Variants in SLC4A7 observed in about 807,000 individuals in gnomAD.
SLC4A7 encodes the protein solute carrier family 4 member 7.
In SLC4A7, 51 loss-of-function variants were observed where a neutral mutation model predicts 137.6. The observed-to-expected ratio is 0.37, with a 90% CI of 0.30 to 0.47. The LOEUF (loss-of-function observed/expected upper bound fraction) is 0.47. Among genes scored for constraint, SLC4A7 ranks in the 20% least tolerant of loss-of-function variants. The pLI, the probability that SLC4A7 is intolerant of heterozygous loss-of-function variation, is 1.00. For synonymous variants in SLC4A7, 542 were observed against 518.6 expected, an observed-to-expected ratio of 1.05 and a Z score of -0.61; for missense variants, 1,247 against 1,525.4, an observed-to-expected ratio of 0.82 and a Z score of 3.04.
At position 27,449,919 on chromosome 3, in the gene SLC4A7, G is replaced by T. The variant is rs147256725; in HGVS notation, c.143-1122C>A. On this transcript the variant is annotated intron_variant, in intron 2 of 25. Coordinates refer to ENST00000454389, the MANE Select transcript of SLC4A7 (RefSeq NM_001321103.2). ...TGCCATCTTTATATGTGACTTGAAA[G>T]TACAGTTGATCCTCATTATTCATGG... is the stretch of plus-strand genomic sequence containing the variant. Among the ~76,000 whole-genome samples the T allele has an allele frequency of 3.1e-3, 469 of 152,274 alleles. 3 individuals carry two copies. Among genetic ancestry groups the T allele is most frequent in the African/African-American group, 0.011 (455 of 41,564 alleles).
intron 14 of SLC4A7, among the ~76,000 whole-genome samples, chr3:27,404,206 G>T (rs959092237): frequency 4.6e-5 from 7 of 152,094 alleles, no homozygotes; most frequent in African/African-American, 1.7e-4. Context: ...CATCTCTACT[G>T]AAAATAAAAC....
intron 3 of SLC4A7, among the ~76,000 whole-genome samples, chr3:27,446,408 A>G (rs961412422): frequency 1.3e-5 from 2 of 152,258 alleles, no homozygotes; most frequent in East Asian, 1.9e-4. Flanking sequence ...AGGGACATAA[A>G]TCTTTTCTAG....
chr3:27,409,247 A>G, intron 13 of SLC4A7, 109 bp downstream of exon 13: 1 of 817,364 alleles, frequency 1.2e-6, no homozygotes. Context: ...CACGTTAATC[A>G]TGCTGTGGGT....
chr3:27,418,241 A>C (rs1279780118), intron 11 of SLC4A7, among the ~76,000 whole-genome samples: 1 of 152,220 alleles, frequency 6.6e-6, no homozygotes, highest in Non-Finnish European at 1.5e-5. Flanking sequence ...TATGCAATAC[A>C]CTAACTTTTG....
chr3:27,451,466 T>G (rs967168058), intron 2 of SLC4A7, among the ~76,000 whole-genome samples: 1 of 152,094 alleles, frequency 6.6e-6, no homozygotes, highest in African/African-American at 2.4e-5. Flanking sequence ...TGTGGTATGC[T>G]TCCCAAATAA....
chr3:27,401,430 C>G (rs545510512), intron 15 of SLC4A7, among the ~76,000 whole-genome samples: 1 of 152,308 alleles, frequency 6.6e-6, no homozygotes, highest in Non-Finnish European at 1.5e-5. Context: ...ACTATTTCAA[C>G]TACCTAAAGC....
Position 27,385,940 on chromosome 3 carries a change from T to A in SLC4A7, c.3444A>T (p.Pro1148=). The A allele has an allele frequency of 1.9e-6, 3 of 1,593,770 alleles. No individual in the cohort carries two copies. The highest frequency in any genetic ancestry group is 2.6e-6 in the Non-Finnish European group (3 of 1,164,532). Residue 1148 remains proline, a synonymous_variant, in exon 23 of 26, where the codon CCA becomes CCT. Transcript: ENST00000454389. The part of the protein sequence containing the change: ...RELSWLDDLM[P]ESKKKKEDDK... ...CATCTTCTTTCTTTTTCTTACTTTC[T>A]GGCATAAGATCATCAAGCCAACTAA...
intron 1 of SLC4A7, among the ~76,000 whole-genome samples, chr3:27,465,209 A>G (rs1209562585): frequency 6.6e-6 from 1 of 150,696 alleles, no homozygotes; most frequent in African/African-American, 2.4e-5. Context: ...GAATCGCTTG[A>G]ACCCAGGAGG....
chr3:27,453,337 G>A (rs561487605), intron 1 of SLC4A7, among the ~76,000 whole-genome samples: 14 of 152,226 alleles, frequency 9.2e-5, no homozygotes, highest in East Asian at 7.7e-4. Context: ...CTTTGAAGCC[G>A]GGCCTGGTTG....
intron 1 of SLC4A7, 23 bp downstream of exon 1, chr3:27,484,044 C>A: frequency 1.4e-6 from 2 of 1,389,592 alleles, no homozygotes; most frequent in Non-Finnish European, 1.9e-6. Flanking sequence ...TGCGGAGGAG[C>A]CCCACCGCCG....
chr3:27,443,832 C>A (rs1218981159), intron 3 of SLC4A7, among the ~76,000 whole-genome samples: 1 of 152,160 alleles, frequency 6.6e-6, no homozygotes, highest in Admixed American at 6.5e-5. Context: ...TTTCTAACTT[C>A]TGTTGTGATT....
intron 16 of SLC4A7, 72 bp from the exon 17 acceptor site, chr3:27,398,425 TGAC>T: frequency 7.5e-7 from 1 of 1,339,306 alleles, no homozygotes; most frequent in Non-Finnish European, 1.0e-6. Flanking sequence ...TGAGCTTCAT[TGAC>T]TCGTAAGATG....
chr3:27,459,383 T>G (rs1474904595), intron 1 of SLC4A7, among the ~76,000 whole-genome samples: 1 of 151,670 alleles, frequency 6.6e-6, no homozygotes, highest in Non-Finnish European at 1.5e-5. Flanking sequence ...ATGGTGAAGT[T>G]AGTTTTAGTT....
chr3:27,378,776 T>C (rs375384060), intron 25 of SLC4A7, among the ~76,000 whole-genome samples: 47 of 152,348 alleles, frequency 3.1e-4, no homozygotes, highest in Non-Finnish European at 5.0e-4. Flanking sequence ...CAGAGCATGA[T>C]TGAAATAGTA....
At chr3:27,425,676 CAAAAAAAAAAAAAAAAAAA>C (rs59895795) in intron 7 of SLC4A7, among the ~76,000 whole-genome samples, 3 of 61,488 alleles carry the variant, frequency 4.9e-5, no homozygotes, top group African/African-American at 2.1e-4. Context: ...AACTCTGTCT[CAAAAAAAAAAAAAAAAAAA>C]AAAAAAAAAA....
chr3:27,456,329 C>T (rs1314440160), intron 1 of SLC4A7, among the ~76,000 whole-genome samples: 1 of 152,168 alleles, frequency 6.6e-6, no homozygotes, highest in Non-Finnish European at 1.5e-5. Context: ...AGTTATCGAA[C>T]ACTTTAGCTT....
chr3:27,484,082 G>T lies in SLC4A7; in HGVS notation c.45C>A (p.Thr15=), dbSNP rs1053193558. 6 of 1,410,544 alleles carry T rather than the reference G, an allele frequency of 4.3e-6. No homozygotes were observed. The African/African-American group carries it at 8.9e-5, about 21-fold the overall frequency. The allele number at this position is 1,410,544 out of a possible 1,614,324, so 87.4% of individuals were successfully genotyped here. A position where few individuals can be genotyped will look rare whatever the true frequency, so the allele number is the denominator to read the frequency against. Residue 15 remains threonine, a synonymous_variant, in exon 1 of 26, where the codon ACC becomes ACA. Coordinates refer to ENST00000454389, the MANE Select transcript of SLC4A7 (RefSeq NM_001321103.2). ...GCGCCCTCACCCTGCTCGTTACCCG[G>T]GTGAGTAGCGGTCTCATCTGCTCGC... is the stretch of plus-strand genomic sequence containing the variant. ...GAGEQMRPLL[T]RVTSRGPDEE... is the part of the protein sequence containing the mutation.
At chr3:27,399,542 C>T (rs1353424789) in intron 16 of SLC4A7, among the ~76,000 whole-genome samples, 4 of 152,102 alleles carry the variant, frequency 2.6e-5, no homozygotes, top group Non-Finnish European at 4.4e-5. Context: ...TCAAGTGATT[C>T]TCCCTCCTTA....
chr3:27,450,711 G>T (rs1367170781), intron 2 of SLC4A7, among the ~76,000 whole-genome samples: 1 of 152,052 alleles, frequency 6.6e-6, no homozygotes, highest in Non-Finnish European at 1.5e-5. Flanking sequence ...CCAAAGATTG[G>T]TAGATTAAGC....
Sources: gnomAD v4.1 joint callset for allele counts (sites outside exome capture counted in the v4.1 genomes callset) on GRCh38, gnomAD v4.1.1 for gene constraint, MANE v1.5 for transcripts, NCBI Gene and HGNC (gene_info 2026-07-23, HGNC 2026-07-21) for gene names.